CALD1: variants seen among roughly 807,000 people sequenced by gnomAD.
CALD1 encodes the protein caldesmon.
CALD1 carries 33 observed loss-of-function variants against 99.9 expected under a neutral mutation model. That is an observed-to-expected ratio of 0.33 (90% CI 0.25 to 0.44). CALD1 has a LOEUF of 0.44. Among genes scored for constraint, CALD1 ranks in the 20% least tolerant of loss-of-function variants. CALD1 has a pLI of 1.00. For synonymous variants in CALD1, 310 were observed against 325.0 expected (o/e 0.95, Z 0.50); for missense variants, 861 against 962.1 (o/e 0.89, Z 1.39).
chr7:134,821,081 GT>G (rs1398784224), intron 1 of CALD1, among the ~76,000 whole-genome samples: 1 of 152,096 alleles, frequency 6.6e-6, no homozygotes, highest in African/African-American at 2.4e-5. Context: ...CTAAGCAACT[GT>G]TGGAATTTGT....
chr7:134,774,191 T>C (rs1437794771), intron 1 of CALD1, among the ~76,000 whole-genome samples: 1 of 150,576 alleles, frequency 6.6e-6, no homozygotes, highest in Non-Finnish European at 1.5e-5. Flanking sequence ...AAGAGTGAGG[T>C]ACTAAGTAGC....
At chr7:134,773,451 T>C (rs557925504) in intron 1 of CALD1, among the ~76,000 whole-genome samples, 1 of 152,170 alleles carries the variant, frequency 6.6e-6, no homozygotes, top group South Asian at 2.1e-4. Flanking sequence ...TTTTTGTATT[T>C]TTCATAGAGA....
rs1799120007 is a variant in CALD1, at chr7:134,829,084, A to G, written c.-129-14800A>G. Among the ~76,000 whole-genome samples the G allele has an allele frequency of 2.0e-5, 3 of 152,358 alleles. No individual in the cohort carries two copies. The South Asian group carries it at 6.2e-4, about 32-fold the overall frequency. ...TTCCATGTATATTTATTGAGTGACT[A>G]CTAAATGGCAGGCAACTGCAAAGTG... On this transcript the variant is annotated intron_variant, in intron 1 of 14. Coordinates refer to ENST00000361675, the MANE Select transcript of CALD1 (RefSeq NM_033138.4).
chr7:134,766,542 G>A (rs537864096), intron 1 of CALD1, among the ~76,000 whole-genome samples: 2 of 152,312 alleles, frequency 1.3e-5, no homozygotes, highest in South Asian at 2.1e-4. Flanking sequence ...GTACAGAGAA[G>A]CTACTTCATA....
intron 3 of CALD1, among the ~76,000 whole-genome samples, chr7:134,901,536 T>C (rs1223260326): frequency 6.6e-6 from 1 of 151,996 alleles, no homozygotes; most frequent in Admixed American, 6.6e-5. Flanking sequence ...GTGACTGTGA[T>C]GAGTTGTATT....
At chr7:134,912,567 C>G (rs1803895175) in intron 3 of CALD1, among the ~76,000 whole-genome samples, 1 of 152,204 alleles carries the variant, frequency 6.6e-6, no homozygotes, top group Non-Finnish European at 1.5e-5. Flanking sequence ...GGGAATCTCA[C>G]TGCTTTTCAG....
intron 1 of CALD1, among the ~76,000 whole-genome samples, chr7:134,772,903 G>A (rs1488131417): frequency 6.6e-6 from 1 of 152,114 alleles, no homozygotes; most frequent in Non-Finnish European, 1.5e-5. Context: ...ACCATTATGG[G>A]ACTCTTTCAC....
At chr7:134,838,924 C>G (rs1270218832) in intron 1 of CALD1, among the ~76,000 whole-genome samples, 1 of 152,098 alleles carries the variant, frequency 6.6e-6, no homozygotes, top group Admixed American at 6.6e-5. Context: ...TAAAAATAAT[C>G]TTTTTAATGA....
chr7:134,816,722 G>C (rs560871620), intron 1 of CALD1, among the ~76,000 whole-genome samples: 3 of 152,256 alleles, frequency 2.0e-5, no homozygotes, highest in Non-Finnish European at 4.4e-5. Context: ...GAAGTGAACT[G>C]TGCCATCATA....
At chr7:134,944,527 A>G (rs902823605) in intron 7 of CALD1, 5 of 151,492 alleles carry the variant, frequency 3.3e-5, no homozygotes, top group Admixed American at 2.0e-4. Flanking sequence ...ATGATATATA[A>G]TATACATATA....
intron 3 of CALD1, among the ~76,000 whole-genome samples, chr7:134,903,255 T>C (rs986486591): frequency 2.0e-5 from 3 of 152,122 alleles, no homozygotes; most frequent in African/African-American, 7.2e-5. Flanking sequence ...CCATTGAATG[T>C]ACAATGGCAA....
intron 9 of CALD1, 26 bp from the exon 10 acceptor site, chr7:134,958,043 G>A: frequency 1.3e-6 from 2 of 1,541,406 alleles, no homozygotes; most frequent in Non-Finnish European, 1.8e-6. Flanking sequence ...ATATTAATTG[G>A]GTTTATTTTC....
Position 134,970,448 on chromosome 7 carries a change from C to A in CALD1, c.*2103C>A, listed in dbSNP as rs998824474. ...GATTTAATCTTTTGAAAAGTAAATT[C>A]CTTGTTTACTGGTTTGACTATAATT... On this transcript the variant is annotated 3_prime_UTR_variant, in exon 15 of 15. Transcript: ENST00000361675. 8.5e-5 allele frequency: 13 copies of A among 152,562 alleles called. No individual in the cohort carries two copies. The highest frequency in any genetic ancestry group is 3.1e-4 in the African/African-American group (13 of 41,432). The allele number at this position is 152,562 out of a possible 1,614,324, so 9.5% of individuals were successfully genotyped here.
the CALD1 span, among the ~76,000 whole-genome samples, chr7:134,722,076 T>C: frequency 6.6e-6 from 1 of 152,174 alleles, no homozygotes; most frequent in Non-Finnish European, 1.5e-5. Flanking sequence ...GTTAAGTGAA[T>C]ATCCTAGAAT....
rs1460385300 is a variant in CALD1, at chr7:134,960,644, T to C, written c.2295+16T>C. On this transcript the variant is annotated intron_variant, in intron 13 of 14. Transcript: ENST00000361675. Reference sequence around the variant, plus strand: ...CAAACCTTCTGTAAGTACCTTTAGGTTTTTCTGAGTTTCTTTGATCTCCCA... The same window carrying C: ...CAAACCTTCTGTAAGTACCTTTAGGCTTTTCTGAGTTTCTTTGATCTCCCA... 6.6e-7 allele frequency: 1 copy of C among 1,509,400 alleles called. No homozygotes were observed. The highest frequency in any genetic ancestry group is 9.2e-7 in the Non-Finnish European group (1 of 1,085,832). 93.5% of individuals were successfully genotyped at this position (1,509,400 alleles called of 1,614,324 possible).
At chr7:134,746,950 T>C (rs559720455) in intron 1 of CALD1, among the ~76,000 whole-genome samples, 6 of 152,296 alleles carry the variant, frequency 3.9e-5, no homozygotes, top group African/African-American at 1.2e-4. Flanking sequence ...TGACTGCTCA[T>C]GGTAAAATGC....
chr7:134,846,025 C>T (rs1799838221), intron 2 of CALD1, among the ~76,000 whole-genome samples: 1 of 152,188 alleles, frequency 6.6e-6, no homozygotes, highest in Admixed American at 6.5e-5. Context: ...TAGCTAACTC[C>T]ACCTATGGTC....
At chr7:134,727,316 C>A in the CALD1 span, among the ~76,000 whole-genome samples, 20 of 152,372 alleles carry the variant, frequency 1.3e-4, no homozygotes, top group East Asian at 3.7e-3. Flanking sequence ...GCACATGCAA[C>A]TCATCTTCTG....
At chr7:134,792,261 T>C (rs1797565586) in intron 1 of CALD1, among the ~76,000 whole-genome samples, 1 of 151,776 alleles carries the variant, frequency 6.6e-6, no homozygotes, top group African/African-American at 2.4e-5. Context: ...TTTCTGAACG[T>C]GTATCTGCAT....
Sources: allele counts gnomAD v4.1 joint callset (sites outside exome capture counted in the v4.1 genomes callset), GRCh38; gene constraint gnomAD v4.1.1; transcripts MANE v1.5; gene names NCBI Gene and HGNC (gene_info 2026-07-23, HGNC 2026-07-21).